CNTN4: variants seen among roughly 807,000 people sequenced by gnomAD.
The protein encoded by CNTN4 is contactin 4.
CNTN4 carries 77 observed loss-of-function variants against 122.5 expected under a neutral mutation model. That is an observed-to-expected ratio of 0.63 (90% confidence interval 0.52 to 0.76). The LOEUF (loss-of-function observed/expected upper bound fraction) is 0.76. Ranked by LOEUF, CNTN4 falls within the 30% of genes least tolerant of loss-of-function variation. CNTN4 has a pLI of 0.00. For synonymous variants in CNTN4, 512 were observed against 447.0 expected, an observed-to-expected ratio of 1.15 and a Z score of -1.83; for missense variants, 1,256 against 1,259.1, an observed-to-expected ratio of 1.00 and a Z score of 0.04.
At chr3:2,690,902 A>G (rs2085701802) in intron 4 of CNTN4, among the ~76,000 whole-genome samples, 1 of 152,200 alleles carries the variant, frequency 6.6e-6, no homozygotes, top group African/African-American at 2.4e-5. Context: ...AATAGCTGTA[A>G]CAAAAACCCT....
intron 2 of CNTN4, among the ~76,000 whole-genome samples, chr3:2,295,633 G>T (rs1282360524): frequency 3.9e-5 from 6 of 152,076 alleles, no homozygotes; most frequent in African/African-American, 1.4e-4. Context: ...TAGGTTGCCT[G>T]TTCACTCTGA....
intron 13 of CNTN4, among the ~76,000 whole-genome samples, chr3:2,941,888 C>T (rs1350164377): frequency 6.6e-6 from 1 of 152,204 alleles, no homozygotes; most frequent in Non-Finnish European, 1.5e-5. Context: ...TCTTCAACTG[C>T]CTCTCCCTAC....
At chr3:2,156,807 T>G (rs1024079092) in intron 2 of CNTN4, among the ~76,000 whole-genome samples, 7 of 152,042 alleles carry the variant, frequency 4.6e-5, no homozygotes, top group Non-Finnish European at 8.8e-5. Context: ...TGATGTGTAT[T>G]AAGAGACCAT....
chr3:2,392,256 A>C (rs987484813), intron 3 of CNTN4, among the ~76,000 whole-genome samples: 1 of 152,176 alleles, frequency 6.6e-6, no homozygotes, highest in African/African-American at 2.4e-5. Flanking sequence ...GGAAGTCTAT[A>C]ATCAGCTGTC....
intron 10 of CNTN4, among the ~76,000 whole-genome samples, chr3:2,896,938 T>G (rs1055408019): frequency 3.3e-5 from 5 of 151,820 alleles, no homozygotes; most frequent in East Asian, 1.9e-4. Flanking sequence ...AGGGTTTTTT[T>G]TTTTTTTTTT....
Position 2,248,789 on chromosome 3 carries a change from C to A in CNTN4, c.-144-90389C>A, listed in dbSNP as rs1251402177. On this transcript the variant is annotated intron_variant, in intron 2 of 24. Transcript: ENST00000418658. ...AAGCGACAGAACAAACATGCATTCT[C>A]CTGACGATATAAAACAGGATATTGT... Among the ~76,000 whole-genome samples the A allele has an allele frequency of 3.3e-5, 5 of 151,912 alleles. No homozygotes were observed. In the East Asian group the frequency reaches 9.6e-4, roughly 29 times the overall value.
At chr3:3,044,914 T>C (rs1274048651) in intron 23 of CNTN4, among the ~76,000 whole-genome samples, 2 of 152,212 alleles carry the variant, frequency 1.3e-5, no homozygotes, top group Non-Finnish European at 2.9e-5. Flanking sequence ...CCCACCCTAA[T>C]ACTAATACTG....
chr3:3,004,190 G>A (rs762957832), intron 14 of CNTN4, among the ~76,000 whole-genome samples: 8 of 152,042 alleles, frequency 5.3e-5, no homozygotes, highest in Non-Finnish European at 1.0e-4. Context: ...CAAAAAGGAA[G>A]TAATGAAGCA....
chr3:2,623,500 G>C (rs2082069687), intron 4 of CNTN4, among the ~76,000 whole-genome samples: 1 of 152,180 alleles, frequency 6.6e-6, no homozygotes, highest in South Asian at 2.1e-4. Flanking sequence ...GAACAGAGGG[G>C]CAGGGGAGGT....
At chr3:2,840,113 C>T (rs2093321692) in intron 7 of CNTN4, among the ~76,000 whole-genome samples, 1 of 152,114 alleles carries the variant, frequency 6.6e-6, no homozygotes, top group African/African-American at 2.4e-5. Context: ...AACCCAATAA[C>T]TTCTCAACAG....
intron 2 of CNTN4, among the ~76,000 whole-genome samples, chr3:2,211,448 G>A (rs1020938170): frequency 2.6e-5 from 4 of 152,052 alleles, no homozygotes; most frequent in East Asian, 1.9e-4. Context: ...TACCGTATGC[G>A]TTGTGTAGTT....
At chr3:2,961,798 G>A (rs938696422) in intron 13 of CNTN4, among the ~76,000 whole-genome samples, 1 of 152,148 alleles carries the variant, frequency 6.6e-6, no homozygotes, top group Admixed American at 6.5e-5. Context: ...ATGCTTTGAG[G>A]GCGAAAACAA....
At chr3:2,187,548 G>A (rs2037331004) in intron 2 of CNTN4, among the ~76,000 whole-genome samples, 1 of 152,138 alleles carries the variant, frequency 6.6e-6, no homozygotes, top group African/African-American at 2.4e-5. Flanking sequence ...TTCACGATCA[G>A]CTGTTGTGTA....
chr3:2,707,728 C>T (rs1049369101), intron 4 of CNTN4, among the ~76,000 whole-genome samples: 2 of 152,080 alleles, frequency 1.3e-5, no homozygotes, highest in Non-Finnish European at 1.5e-5. Flanking sequence ...ACTGTAACCT[C>T]GAACTCTTGG....
chr3:3,035,056 C>G (rs1270318200), intron 17 of CNTN4, among the ~76,000 whole-genome samples: 1 of 151,986 alleles, frequency 6.6e-6, no homozygotes, highest in African/African-American at 2.4e-5. Context: ...GCCTGCAATC[C>G]CAGCACTGTG....
intron 6 of CNTN4, among the ~76,000 whole-genome samples, chr3:2,785,895 G>GGCCCCCCCCCCCCCCC (rs2091793272): frequency 1.2e-5 from 1 of 81,668 alleles, no homozygotes; most frequent in Non-Finnish European, 2.5e-5. Context: ...GGCCCACGCT[G>GGCCCCCCCCCCCCCCC]CCCCCCCCCG....
At chr3:2,561,019 G>A (rs554490247) in intron 3 of CNTN4, among the ~76,000 whole-genome samples, 115 of 152,108 alleles carry the variant, frequency 7.6e-4, no homozygotes, top group Middle Eastern at 3.2e-3. Flanking sequence ...GTGGCTGTCC[G>A]AGCAATCAGC....
chr3:2,459,519 T>C (rs2049125143), intron 3 of CNTN4, among the ~76,000 whole-genome samples: 1 of 152,110 alleles, frequency 6.6e-6, no homozygotes. Flanking sequence ...TCATGTATGG[T>C]ATTTCAAATT....
intron 14 of CNTN4, among the ~76,000 whole-genome samples, chr3:3,000,467 G>A (rs1188365147): frequency 6.6e-6 from 1 of 152,224 alleles, no homozygotes; most frequent in African/African-American, 2.4e-5. Context: ...TCAGAGGGCA[G>A]TACCATAAGA....
Sources: gnomAD v4.1 joint callset for allele counts (sites outside exome capture counted in the v4.1 genomes callset) on GRCh38, gnomAD v4.1.1 for gene constraint, MANE v1.5 for transcripts, NCBI Gene and HGNC (gene_info 2026-07-23, HGNC 2026-07-21) for gene names.